The following AFAP1 variants were observed in gnomAD, a reference collection of about 807,000 sequenced individuals.
The protein encoded by AFAP1 is actin filament-associated protein 1.
In AFAP1, 75 loss-of-function variants were observed where a neutral mutation model predicts 93.9. The observed-to-expected ratio is 0.80, with a 90% CI of 0.66 to 0.97. The LOEUF is 0.97. AFAP1 is among the 50% of genes least tolerant of loss of function. The pLI is 0.00. For missense variants in AFAP1, 1,201 were observed against 1,050.8 expected, an observed-to-expected ratio of 1.14 and a Z score of -1.98; for synonymous variants, 517 against 430.7, an observed-to-expected ratio of 1.20 and a Z score of -2.48.
chr4:7,838,719 CA>C lies in AFAP1; in HGVS notation c.547-17del. The C allele has an allele frequency of 6.2e-7, 1 of 1,612,276 alleles. No individual in the cohort carries two copies. Among genetic ancestry groups the C allele is most frequent in the South Asian group, 1.1e-5 (1 of 90,880 alleles). ...TTTTATAGCACTGCATTCAACACAA[CA>C]AATCAACTGATATTATAAGGGAGTT... On this transcript the variant is annotated splice_polypyrimidine_tract_variant and intron_variant, in intron 5 of 17. Transcript: ENST00000420658.
intron 9 of AFAP1, among the ~76,000 whole-genome samples, chr4:7,802,536 G>A (rs921075210): frequency 6.6e-5 from 10 of 152,120 alleles, no homozygotes; most frequent in East Asian, 1.9e-4. Flanking sequence ...AGTTAAAGAC[G>A]GCAGATAAAG....
chr4:7,769,174 G>A (rs374068705), intron 16 of AFAP1, among the ~76,000 whole-genome samples, 166 bp from the exon 17 acceptor site: 13 of 152,318 alleles, frequency 8.5e-5, no homozygotes, highest in African/African-American at 1.2e-4. Context: ...CCCCCAGAGC[G>A]TCTCCTGGCA....
chr4:7,800,739 G>C (rs1273014058), intron 9 of AFAP1, 86 bp from the exon 10 acceptor site: 3 of 1,305,886 alleles, frequency 2.3e-6, no homozygotes, highest in Admixed American at 1.8e-5. Flanking sequence ...AGGAGGCCCA[G>C]GGATGGGAGT....
At chr4:7,842,657 A>T (rs1036584704) in intron 5 of AFAP1, 2 of 156,768 alleles carry the variant, frequency 1.3e-5, no homozygotes, top group Non-Finnish European at 2.8e-5. Context: ...TCTGTTCCTT[A>T]CTTGTCTTCC....
At chr4:7,772,656 G>T in intron 16 of AFAP1, 164 bp downstream of exon 16, 3 of 632,884 alleles carry the variant, frequency 4.7e-6, no homozygotes, top group Non-Finnish European at 8.0e-6. Context: ...AGGCCCGGCC[G>T]ATGAAAGTGT....
At chr4:7,855,759 G>C (rs918594546) in intron 3 of AFAP1, among the ~76,000 whole-genome samples, 185 bp from the exon 4 acceptor site, 2 of 152,126 alleles carry the variant, frequency 1.3e-5, no homozygotes, top group African/African-American at 4.8e-5. Flanking sequence ...ACTTTCCTGC[G>C]CACATTCTTG....
chr4:7,801,351 G>A (rs16841302), intron 9 of AFAP1, among the ~76,000 whole-genome samples: 6,904 of 152,050 alleles, frequency 0.045, 540 homozygotes, highest in African/African-American at 0.16. Context: ...TTTGTGATCC[G>A]TGTCTCTGGT....
chr4:7,761,276 C>G lies in AFAP1; in HGVS notation c.*2489G>C, dbSNP rs1713751929. On this transcript the variant is annotated 3_prime_UTR_variant, in exon 18 of 18. Coordinates refer to ENST00000420658, the MANE Select transcript of AFAP1 (RefSeq NM_001134647.2). ...GGAAGGAACCCACTGTCAGGCCCCT[C>G]CAGGGCACCCATTTTGAAAGGCTCC... 6.6e-6 allele frequency: 1 copy of G among 152,256 alleles called. No homozygotes were observed. Among genetic ancestry groups the G allele is most frequent in the Non-Finnish European group, 1.5e-5 (1 of 68,038 alleles). The allele number at this position is 152,256 out of a possible 1,614,324, so 9.4% of individuals were successfully genotyped here. A position where few individuals can be genotyped will look rare whatever the true frequency, so the allele number is the denominator to read the frequency against.
intron 1 of AFAP1, among the ~76,000 whole-genome samples, chr4:7,918,952 G>A (rs1206943779): frequency 2.0e-4 from 27 of 131,936 alleles, no homozygotes; most frequent in East Asian, 2.4e-4. Flanking sequence ...CAGGTCACCA[G>A]GAAACAGGGC....
intron 1 of AFAP1, among the ~76,000 whole-genome samples, chr4:7,894,334 GCT>G (rs900288598): frequency 9.2e-5 from 14 of 152,288 alleles, no homozygotes; most frequent in Admixed American, 8.5e-4. Flanking sequence ...TGTACTCTCT[GCT>G]CTGTTACAGA....
At chr4:7,892,687 T>C (rs28370977) in intron 1 of AFAP1, among the ~76,000 whole-genome samples, 1 of 151,900 alleles carries the variant, frequency 6.6e-6, no homozygotes, top group Non-Finnish European at 1.5e-5. Context: ...CCAGGGTGCC[T>C]AGAACACGAA....
chr4:7,875,203 ATTCT>A, intron 1 of AFAP1, among the ~76,000 whole-genome samples: 1 of 152,244 alleles, frequency 6.6e-6, no homozygotes, highest in Non-Finnish European at 1.5e-5. Flanking sequence ...CAAATCTACT[ATTCT>A]GTAAGTCTAC....
intron 1 of AFAP1, among the ~76,000 whole-genome samples, chr4:7,918,399 TCGGCC>T (rs1720217108): frequency 6.9e-6 from 1 of 145,874 alleles, no homozygotes; most frequent in Non-Finnish European, 1.5e-5. Flanking sequence ...GATGAGACAC[TCGGCC>T]CAGGTCACCC....
Position 7,843,230 on chromosome 4 carries a change from T to C in AFAP1, c.455A>G (p.Lys152Arg), listed in dbSNP as rs755219782. 43 of 1,614,090 alleles carry C rather than the reference T, an allele frequency of 2.7e-5. 1 individual carries two copies. The highest frequency in any genetic ancestry group is 6.6e-5 in the South Asian group (6 of 91,084). The change falls in exon 5 of 18, where the codon AAG (lysine) becomes AGG (arginine). Residue 152 changes from lysine to arginine, a missense_variant. Physicochemically the swap from Lys to Arg is conservative, Grantham distance 26. Transcript: ENST00000420658. ...CAGGAAGGCGCAGATTTTGGCGTCC[T>C]TGACCAGGTCCATGGAGGCCTCCTC... ...PSEEASMDLV[K>R]DAKICAFLLR... is the part of the protein sequence containing the mutation.
intron 1 of AFAP1, among the ~76,000 whole-genome samples, chr4:7,909,495 T>G (rs2891925): frequency 0.042 from 6,427 of 152,258 alleles, 365 homozygotes; most frequent in African/African-American, 0.13. Context: ...ACTGTCAAAT[T>G]ATTGTTTCAT....
chr4:7,775,434 A>G (rs1037381515), intron 14 of AFAP1: 1 of 152,784 alleles, frequency 6.5e-6, no homozygotes, highest in African/African-American at 2.4e-5. Context: ...TAATCGGAAA[A>G]GACAGGAGTA....
At chr4:7,852,233 G>A (rs995203298) in intron 4 of AFAP1, among the ~76,000 whole-genome samples, 7 of 152,138 alleles carry the variant, frequency 4.6e-5, no homozygotes, top group African/African-American at 1.4e-4. Context: ...GAAACGAGAG[G>A]AGCCTCCTCC....
In AFAP1 at chr4:7,816,037, T is replaced by G. The variant is rs1037880950; in HGVS notation, c.885A>C (p.Thr295=). 48 of 1,612,892 alleles carry G rather than the reference T, an allele frequency of 3.0e-5. No homozygotes were observed. Among genetic ancestry groups the G allele is most frequent in the Non-Finnish European group, 4.1e-5 (48 of 1,179,612 alleles). Residue 295 remains threonine (T), a synonymous_variant, in exon 8 of 18, where the codon ACA becomes ACC. Coordinates refer to ENST00000420658, the MANE Select transcript of AFAP1 (RefSeq NM_001134647.2). ...GEGVVENGIT[T]CNGKEQVKRK... ...ACTCACCTTGCTCCTTTCCATTACA[T>G]GTGGTAATTCCATTTTCCACAACAC...
intron 12 of AFAP1, among the ~76,000 whole-genome samples, chr4:7,784,339 G>A (rs1343134902): frequency 4.6e-5 from 7 of 152,068 alleles, no homozygotes; most frequent in African/African-American, 9.7e-5. Flanking sequence ...ACCTACAAGC[G>A]GGCCCTGCCC....
Sources: allele counts gnomAD v4.1 joint callset (sites outside exome capture counted in the v4.1 genomes callset), GRCh38; gene constraint gnomAD v4.1.1; transcripts MANE v1.5; gene names NCBI Gene and HGNC (gene_info 2026-07-23, HGNC 2026-07-21).